TSGA10: variants seen among roughly 807,000 people sequenced by gnomAD.
TSGA10 encodes the protein testis specific 10.
Under a neutral mutation model 96.6 loss-of-function variants are expected in TSGA10, and 43 were observed. The ratio of observed to expected loss-of-function variants is 0.44; its 90% CI spans 0.35 to 0.57. TSGA10 has a LOEUF of 0.57. Ranked by LOEUF, TSGA10 falls within the 20% of genes least tolerant of loss-of-function variation. The probability of loss-of-function intolerance (pLI) is 0.01; values close to 1 mark genes in which losing one functional copy is unlikely to be tolerated. For missense variants in TSGA10, 703 were observed against 834.4 expected (o/e 0.84, Z 1.94); for synonymous variants, 229 against 269.9 (o/e 0.85, Z 1.48).
intron 16 of TSGA10, among the ~76,000 whole-genome samples, chr2:99,062,208 C>T (rs1294365452): frequency 6.6e-6 from 1 of 152,076 alleles, no homozygotes; most frequent in Non-Finnish European, 1.5e-5. Context: ...ATATAACATA[C>T]ATATATGTGT....
At chr2:99,102,825 A>C (rs2090926974) in intron 10 of TSGA10, 3 of 1,209,078 alleles carry the variant, frequency 2.5e-6, no homozygotes, top group Non-Finnish European at 3.7e-6. Flanking sequence ...CTGTAAATAT[A>C]AACCTAAATA....
intron 16 of TSGA10, among the ~76,000 whole-genome samples, chr2:99,038,290 T>C (rs2081852561): frequency 6.6e-6 from 1 of 152,126 alleles, no homozygotes; most frequent in Non-Finnish European, 1.5e-5. Flanking sequence ...TAATGAATAA[T>C]AGTACCTCAC....
intron 2 of TSGA10, chr2:99,125,648 C>CT (rs2104982054): frequency 6.6e-6 from 1 of 152,238 alleles, no homozygotes; most frequent in Non-Finnish European, 1.5e-5. Context: ...TTTAGCAGGC[C>CT]TCCTGTGACA....
intron 16 of TSGA10, among the ~76,000 whole-genome samples, chr2:99,047,226 G>T (rs2082876349): frequency 6.6e-6 from 1 of 152,134 alleles, no homozygotes; most frequent in African/African-American, 2.4e-5. Context: ...CATTTTATGA[G>T]GCCAGCATCA....
At chr2:99,015,613 G>A (rs1355695442) in intron 20 of TSGA10, among the ~76,000 whole-genome samples, 1 of 152,002 alleles carries the variant, frequency 6.6e-6, no homozygotes, top group African/African-American at 2.4e-5. Flanking sequence ...CACTTTCATC[G>A]CTTCTATTCA....
chr2:99,091,373 T>C (rs1351671186), intron 10 of TSGA10, among the ~76,000 whole-genome samples: 1 of 152,076 alleles, frequency 6.6e-6, no homozygotes, highest in Non-Finnish European at 1.5e-5. Flanking sequence ...AATACATACA[T>C]GCATGCATGC....
At chr2:99,077,437 T>C (rs2086847989) in intron 12 of TSGA10, among the ~76,000 whole-genome samples, 1 of 152,222 alleles carries the variant, frequency 6.6e-6, no homozygotes, top group South Asian at 2.1e-4. Context: ...AAAGCCCTTA[T>C]TCCAATGATG....
intron 2 of TSGA10, among the ~76,000 whole-genome samples, chr2:99,122,443 T>C (rs78517049): frequency 0.039 from 5,881 of 151,670 alleles, 254 homozygotes; most frequent in East Asian, 0.21. Flanking sequence ...TGTACATGCA[T>C]TTAAAACCAC....
chr2:99,135,815 C>T (rs1452436017), intron 1 of TSGA10, among the ~76,000 whole-genome samples: 2 of 152,088 alleles, frequency 1.3e-5, no homozygotes, highest in Non-Finnish European at 2.9e-5. Context: ...TTGAGACCCA[C>T]CTGGCCAACA....
intron 20 of TSGA10, among the ~76,000 whole-genome samples, chr2:99,010,241 T>C (rs7588059): frequency 0.59 from 89,081 of 152,030 alleles, 27,699 homozygotes; most frequent in African/African-American, 0.8. Context: ...AGGAGACAGG[T>C]CTAACGTGCA....
intron 9 of TSGA10, 55 bp downstream of exon 9, chr2:99,105,304 G>A (rs1559032347): frequency 2.8e-6 from 4 of 1,420,616 alleles, no homozygotes; most frequent in East Asian, 4.6e-5. Flanking sequence ...GGAGAAAGGG[G>A]AAAGCCATTG....
chr2:99,010,223 T>C (rs2078889694), intron 20 of TSGA10, among the ~76,000 whole-genome samples: 1 of 152,198 alleles, frequency 6.6e-6, no homozygotes, highest in Non-Finnish European at 1.5e-5. Context: ...AGATGGAGTA[T>C]GGCAGATAGG....
At chr2:99,086,001 T>C (rs1442031849) in intron 10 of TSGA10, among the ~76,000 whole-genome samples, 1 of 152,166 alleles carries the variant, frequency 6.6e-6, no homozygotes, top group Non-Finnish European at 1.5e-5. Flanking sequence ...ACCACAGATA[T>C]ATGGTCAATC....
rs72813055 is a variant in TSGA10 at position 99,050,684 on chromosome 2, A to T, written c.1404+14255T>A. Among the ~76,000 whole-genome samples the T allele has an allele frequency of 4.6e-3, 698 of 152,254 alleles. 3 individuals are homozygous for T. Among genetic ancestry groups the T allele is most frequent in the Admixed American group, 9.7e-3 (148 of 15,296 alleles). On this transcript the variant is annotated intron_variant, in intron 16 of 20. Coordinates refer to ENST00000393483, the MANE Select transcript of TSGA10 (RefSeq NM_025244.4). Reference sequence around the variant, plus strand: ...ATGCAGGGATGAAAATCACAAAAAAATTTTTTAATGTTTTATTAGATAATA... The same window carrying T: ...ATGCAGGGATGAAAATCACAAAAAATTTTTTTAATGTTTTATTAGATAATA...
chr2:99,143,204 C>T (rs1301554110), intron 1 of TSGA10, among the ~76,000 whole-genome samples: 1 of 134,652 alleles, frequency 7.4e-6, no homozygotes, highest in Non-Finnish European at 1.5e-5. Context: ...TGCAGTGGCA[C>T]GATCTCGGCT....
At chr2:99,064,916 T>C in intron 16 of TSGA10, 23 bp downstream of exon 16, 1 of 1,556,128 alleles carries the variant, frequency 6.4e-7, no homozygotes. Context: ...GGATGTATTA[T>C]AAGCATATTT....
intron 17 of TSGA10, among the ~76,000 whole-genome samples, chr2:99,031,526 T>A (rs1259496833): frequency 1.3e-5 from 2 of 152,098 alleles, no homozygotes; most frequent in Non-Finnish European, 2.9e-5. Flanking sequence ...TTGAAAACTT[T>A]TTAATTGAGA....
intron 10 of TSGA10, among the ~76,000 whole-genome samples, chr2:99,085,340 C>G (rs528600560): frequency 4.5e-4 from 68 of 152,116 alleles, no homozygotes; most frequent in African/African-American, 1.6e-3. Flanking sequence ...CATGATGGCT[C>G]ATGTCTATAA....
intron 10 of TSGA10, among the ~76,000 whole-genome samples, chr2:99,092,772 A>T (rs1466708228): frequency 6.6e-6 from 1 of 152,022 alleles, no homozygotes; most frequent in Admixed American, 6.6e-5. Context: ...TTCAAATAGT[A>T]ATTTAAAAAT....
Sources: gnomAD v4.1 joint callset for allele counts (sites outside exome capture counted in the v4.1 genomes callset) on GRCh38, gnomAD v4.1.1 for gene constraint, MANE v1.5 for transcripts, NCBI Gene and HGNC (gene_info 2026-07-23, HGNC 2026-07-21) for gene names.